Variants in ALDH1A1 observed in about 807,000 individuals in gnomAD.
ALDH1A1 encodes aldehyde dehydrogenase 1A1.
ALDH1A1 carries 19 observed loss-of-function variants against 62.1 expected under a neutral mutation model. The ratio of observed to expected loss-of-function variants is 0.31; its 90% CI spans 0.21 to 0.45. ALDH1A1 has a LOEUF of 0.45. Among genes scored for constraint, ALDH1A1 ranks in the 20% least tolerant of loss-of-function variants. The pLI is 1.00. For synonymous variants in ALDH1A1, 231 were observed against 215.9 expected, an observed-to-expected ratio of 1.07 and a Z score of -0.61; for missense variants, 521 against 607.1, an observed-to-expected ratio of 0.86 and a Z score of 1.49.
intron 2 of ALDH1A1, among the ~76,000 whole-genome samples, chr9:72,937,390 G>C (rs528782331): frequency 3.9e-5 from 6 of 152,250 alleles, no homozygotes; most frequent in Non-Finnish European, 7.4e-5. Flanking sequence ...CCACACAGAA[G>C]AGAGTAAGTC....
intron 6 of ALDH1A1, 48 bp from the exon 7 acceptor site, chr9:72,924,180 A>T (rs1233572520): frequency 1.4e-6 from 2 of 1,381,646 alleles, no homozygotes; most frequent in Admixed American, 3.9e-5. Flanking sequence ...TTTAATTCAA[A>T]AAGGAGGAGA....
At chr9:72,923,994 T>A in intron 7 of ALDH1A1, 25 bp downstream of exon 7, 1 of 1,514,978 alleles carries the variant, frequency 6.6e-7, no homozygotes, top group Admixed American at 2.0e-5. Context: ...CATTCTTAAC[T>A]TTTGCCCTGA....
chr9:72,910,779 G>A (rs1488395742), intron 10 of ALDH1A1, among the ~76,000 whole-genome samples: 1 of 152,120 alleles, frequency 6.6e-6, no homozygotes, highest in Admixed American at 6.5e-5. Flanking sequence ...TTAGAAGGGA[G>A]GGGCTGCTGT....
intron 6 of ALDH1A1, 39 bp downstream of exon 6, chr9:72,925,445 C>T (rs1488153848): frequency 1.2e-6 from 2 of 1,605,004 alleles, no homozygotes; most frequent in Admixed American, 3.4e-5. Flanking sequence ...ATTTAGGATT[C>T]TTGAGTTCTT....
chr9:72,908,374 G>A (rs1214876935), intron 11 of ALDH1A1, among the ~76,000 whole-genome samples: 1 of 125,474 alleles, frequency 8.0e-6, no homozygotes, highest in Non-Finnish European at 1.6e-5. Context: ...GGCAGAGGTT[G>A]CAGTGATCCA....
chr9:72,918,034 C>A (rs1474381432), intron 8 of ALDH1A1, among the ~76,000 whole-genome samples: 2 of 152,080 alleles, frequency 1.3e-5, no homozygotes, highest in African/African-American at 4.8e-5. Flanking sequence ...ATTCCATGAA[C>A]CATTTGTATT....
intron 1 of ALDH1A1, among the ~76,000 whole-genome samples, chr9:72,946,172 T>G (rs757514768): frequency 3.3e-5 from 5 of 152,024 alleles, no homozygotes; most frequent in Non-Finnish European, 7.4e-5. Context: ...CTGCCCATTT[T>G]TAGCAGTATC....
chr9:72,906,350 G>C (rs572478166), intron 11 of ALDH1A1, among the ~76,000 whole-genome samples: 2 of 152,242 alleles, frequency 1.3e-5, no homozygotes, highest in South Asian at 4.1e-4. Context: ...GATATGGTTT[G>C]CTAGAAGCTA....
chr9:72,937,940 C>T (rs1338502966), intron 2 of ALDH1A1, among the ~76,000 whole-genome samples: 10 of 152,088 alleles, frequency 6.6e-5, no homozygotes, highest in South Asian at 2.1e-4. Flanking sequence ...GGTTGAACTC[C>T]GTACTCCTGT....
intron 7 of ALDH1A1, among the ~76,000 whole-genome samples, chr9:72,920,467 A>G (rs1166859753): frequency 6.6e-6 from 1 of 152,068 alleles, no homozygotes; most frequent in Non-Finnish European, 1.5e-5. Context: ...ATTTCTCTAA[A>G]TTCTTTCTGA....
chr9:72,934,299 T>C (rs573521556), intron 2 of ALDH1A1, among the ~76,000 whole-genome samples: 1 of 152,214 alleles, frequency 6.6e-6, no homozygotes, highest in African/African-American at 2.4e-5. Flanking sequence ...TTTTAGGCCC[T>C]ATTATTTCAT....
chr9:72,911,499 T>G (rs1422469667), intron 10 of ALDH1A1, among the ~76,000 whole-genome samples: 2 of 152,146 alleles, frequency 1.3e-5, no homozygotes, highest in Non-Finnish European at 2.9e-5. Context: ...TTGACCAACA[T>G]TTCCCAACCC....
At chr9:72,908,256 C>T (rs1829902320) in intron 11 of ALDH1A1, among the ~76,000 whole-genome samples, 2 of 150,750 alleles carry the variant, frequency 1.3e-5, no homozygotes, top group African/African-American at 4.9e-5. Context: ...CCTGTCTCTA[C>T]TAAAAAAAGA....
intron 1 of ALDH1A1, among the ~76,000 whole-genome samples, chr9:72,945,421 C>T (rs1392470253): frequency 1.3e-5 from 2 of 151,872 alleles, no homozygotes; most frequent in East Asian, 3.9e-4. Context: ...ATCACATTTT[C>T]AATGCACAAA....
rs2288086 is a variant in ALDH1A1 at position 72,925,656 on chromosome 9, G to A, written c.505-44C>T. On this transcript the variant is annotated intron_variant, in intron 5 of 12. Coordinates refer to ENST00000297785, the MANE Select transcript of ALDH1A1 (RefSeq NM_000689.5). ...CAATAGATTCTTTGTATTGCAAAAG[G>A]CATATTTGCTAATCCAACTTCCATA... The A allele has an allele frequency of 7.7e-3, 12,202 of 1,591,608 alleles. 478 individuals are homozygous for A. In the Admixed American group the frequency reaches 0.092, roughly 12 times the overall value.
In ALDH1A1 at chr9:72,916,993, C is replaced by T. The variant is rs781731756; in HGVS notation, c.962G>A (p.Arg321Gln). The T allele has an allele frequency of 4.3e-6, 7 of 1,613,874 alleles. No homozygotes were observed. The highest frequency in any genetic ancestry group is 1.7e-4 in the Middle Eastern group (1 of 6,060). Reference protein sequence around the residue: ...VEESIYDEFVRRSVERAKKYI... With the variant: ...VEESIYDEFVQRSVERAKKYI... ...CTTCTTAGCCCGCTCAACACTCCTT[C>T]GAACAAACTCATCATAAATTGATTC... The change falls in exon 9 of 13, where the codon CGA becomes CAA. Residue 321 changes from arginine to glutamine, a missense_variant. Arg to Gln is a conservative substitution (Grantham distance 43). Transcript: ENST00000297785.
rs561314199 is a variant in ALDH1A1, at chr9:72,912,376, A to G, written c.1036-254T>C. On this transcript the variant is annotated intron_variant, in intron 9 of 12. Coordinates refer to ENST00000297785, the MANE Select transcript of ALDH1A1 (RefSeq NM_000689.5). ...ATAGTTATATAGGAAAGCATTCAGC[A>G]CTGCAAACACATAAAAAACACATAA... 2.0e-5 allele frequency among the ~76,000 whole-genome samples: 3 copies of G among 152,316 alleles called. No individual in the cohort carries two copies. In the South Asian group the frequency reaches 6.2e-4, roughly 32 times the overall value.
At chr9:72,916,294 G>T (rs1232796849) in intron 9 of ALDH1A1, among the ~76,000 whole-genome samples, 1 of 152,126 alleles carries the variant, frequency 6.6e-6, no homozygotes, top group Non-Finnish European at 1.5e-5. Context: ...ACAATGAACA[G>T]AGAACTATGC....
intron 12 of ALDH1A1, among the ~76,000 whole-genome samples, chr9:72,903,812 C>T (rs1006232126): frequency 6.6e-6 from 1 of 151,956 alleles, no homozygotes; most frequent in African/African-American, 2.4e-5. Flanking sequence ...GTCTTGCATT[C>T]CTTTTGATTA....
Sources: gnomAD v4.1 joint callset for allele counts (sites outside exome capture counted in the v4.1 genomes callset) on GRCh38, gnomAD v4.1.1 for gene constraint, MANE v1.5 for transcripts, NCBI Gene and HGNC (gene_info 2026-07-23, HGNC 2026-07-21) for gene names.